Variants in PIKFYVE observed in about 807,000 individuals in gnomAD.
PIKFYVE encodes 1-phosphatidylinositol 3-phosphate 5-kinase.
In PIKFYVE, 122 loss-of-function variants were observed where a neutral mutation model predicts 257.9. The observed-to-expected ratio is 0.47, with a 90% CI of 0.41 to 0.55. PIKFYVE has a LOEUF of 0.55. PIKFYVE is among the 20% of genes least tolerant of loss of function. The pLI, the probability that PIKFYVE is intolerant of heterozygous loss-of-function variation, is 0.00. For missense variants in PIKFYVE, 2,160 were observed against 2,536.6 expected (o/e 0.85, Z 3.19); for synonymous variants, 892 against 868.9 (o/e 1.03, Z -0.47).
intron 23 of PIKFYVE, among the ~76,000 whole-genome samples, chr2:208,333,030 C>T (rs575578543): frequency 2.7e-4 from 41 of 151,828 alleles, no homozygotes; most frequent in African/African-American, 8.0e-4. Flanking sequence ...GTCAGAAGAT[C>T]GAGACCACCC....
intron 32 of PIKFYVE, among the ~76,000 whole-genome samples, chr2:208,344,289 A>T (rs1185501595): frequency 6.6e-6 from 1 of 152,124 alleles, no homozygotes; most frequent in Admixed American, 6.5e-5. Flanking sequence ...ACAAAATGTG[A>T]TATACTAGAT....
chr2:208,308,951 G>T (rs1004379481), intron 12 of PIKFYVE, among the ~76,000 whole-genome samples: 1 of 152,018 alleles, frequency 6.6e-6, no homozygotes, highest in Non-Finnish European at 1.5e-5. Context: ...CAGGCAGTCC[G>T]CCAACCTAGG....
At chr2:208,335,989 C>T (rs1057024491) in intron 26 of PIKFYVE, 57 bp from the exon 27 acceptor site, 31 of 1,605,264 alleles carry the variant, frequency 1.9e-5, no homozygotes, top group Non-Finnish European at 2.6e-5. Flanking sequence ...ATAGCAGTTT[C>T]TTTTGGGGTA....
intron 7 of PIKFYVE, among the ~76,000 whole-genome samples, chr2:208,294,477 A>G (rs1227314144): frequency 6.6e-6 from 1 of 152,060 alleles, no homozygotes; most frequent in Non-Finnish European, 1.5e-5. Flanking sequence ...TTTTTTGTTG[A>G]AAGGTGGACA....
chr2:208,294,792 G>A (rs890416483), intron 7 of PIKFYVE, among the ~76,000 whole-genome samples: 1 of 152,146 alleles, frequency 6.6e-6, no homozygotes, highest in African/African-American at 2.4e-5. Context: ...TTAGGCTCTG[G>A]TAAAATAGTT....
At chr2:208,280,687 G>A (rs536724055) in intron 5 of PIKFYVE, among the ~76,000 whole-genome samples, 31 of 152,302 alleles carry the variant, frequency 2.0e-4, no homozygotes, top group Middle Eastern at 3.4e-3. Context: ...TCTGTAAGTG[G>A]CTCAAGTCTG....
intron 35 of PIKFYVE, 33 bp from the exon 36 acceptor site, chr2:208,349,991 C>T: frequency 6.2e-7 from 1 of 1,609,778 alleles, no homozygotes; most frequent in Non-Finnish European, 8.5e-7. Context: ...TTACTCAAAA[C>T]CTTGGCTTTA....
At chr2:208,303,318 C>T (rs1446539016) in intron 10 of PIKFYVE, among the ~76,000 whole-genome samples, 2 of 150,958 alleles carry the variant, frequency 1.3e-5, no homozygotes, top group Non-Finnish European at 2.9e-5. Flanking sequence ...TATAGCTGAC[C>T]GTTAAGAATT....
In PIKFYVE at chr2:208,328,220, T is replaced by C. The variant is rs1368697613; in HGVS notation, c.3659T>C (p.Val1220Ala). The C allele has an allele frequency of 6.2e-7, 1 of 1,613,950 alleles. No homozygotes were observed. ...LNPINHQRLC[V>A]LFSSSSAQSS... Reference sequence around the variant, plus strand: ...CCCATTAATCACCAGAGACTTTGTGTGCTCTTCAGCAGCTCTTCTGCCCAG... The same window carrying C: ...CCCATTAATCACCAGAGACTTTGTGCGCTCTTCAGCAGCTCTTCTGCCCAG... Residue 1220 changes from valine (V) to alanine (A), a missense_variant, in exon 21 of 42, where the codon GTG becomes GCG. Transcript: ENST00000264380.
chr2:208,354,444 T>TG, intron 40 of PIKFYVE, 127 bp from the exon 41 acceptor site: 4 of 951,128 alleles, frequency 4.2e-6, no homozygotes, highest in Non-Finnish European at 6.7e-6. Flanking sequence ...GAACAGCACT[T>TG]GGCACATTGT....
chr2:208,324,347 A>G (rs1696664367), intron 18 of PIKFYVE, 65 bp downstream of exon 18: 4 of 1,515,862 alleles, frequency 2.6e-6, no homozygotes, highest in Non-Finnish European at 3.7e-6. Flanking sequence ...ATATGCACGT[A>G]TGGTAGGTAT....
In PIKFYVE at chr2:208,342,667, T is replaced by A. The variant is rs1698820193; in HGVS notation, c.5027+18T>A. On this transcript the variant is annotated intron_variant, in intron 32 of 41. Coordinates refer to ENST00000264380, the MANE Select transcript of PIKFYVE (RefSeq NM_015040.4). ...GCTCTCAGGTATTATTCATGGGACT[T>A]TGACTTATGATGATATCTATGTATT... The A allele has an allele frequency of 6.4e-7, 1 of 1,560,292 alleles. No individual in the cohort carries two copies. Among genetic ancestry groups the A allele is most frequent in the Non-Finnish European group, 8.8e-7 (1 of 1,130,968 alleles).
intron 16 of PIKFYVE, among the ~76,000 whole-genome samples, chr2:208,319,700 A>T (rs928986508): frequency 6.6e-6 from 1 of 152,104 alleles, no homozygotes; most frequent in Non-Finnish European, 1.5e-5. Flanking sequence ...AGGGTATATT[A>T]TTTGGGTCTC....
chr2:208,275,233 C>CATA (rs1689949725), intron 3 of PIKFYVE, among the ~76,000 whole-genome samples: 1 of 152,230 alleles, frequency 6.6e-6, no homozygotes. Flanking sequence ...TGCCTAAGGG[C>CATA]ATAGAGCTAG....
Position 208,325,388 on chromosome 2 carries a change from G to T in PIKFYVE, c.2577G>T (p.Met859Ile). 2 of 1,614,136 alleles carry T rather than the reference G, an allele frequency of 1.2e-6. No homozygotes were observed. The highest frequency in any genetic ancestry group is 1.7e-6 in the Non-Finnish European group (2 of 1,180,010). ...LARVKEILIF[M>I]ICVAYHSQLE... Reference sequence around the variant, plus strand: ...GAGTTAAGGAGATCCTAATATTTATGATCTGTGTTGCTTATCATTCTCAAC... The same window carrying T: ...GAGTTAAGGAGATCCTAATATTTATTATCTGTGTTGCTTATCATTCTCAAC... Residue 859 changes from methionine (M) to isoleucine (I), a missense_variant, in exon 20 of 42, where the codon ATG becomes ATT. Met to Ile is a conservative substitution (Grantham distance 10, BLOSUM62 1). Transcript: ENST00000264380.
intron 31 of PIKFYVE, among the ~76,000 whole-genome samples, chr2:208,342,110 G>A (rs78126029): frequency 1.3e-5 from 2 of 152,134 alleles, no homozygotes; most frequent in East Asian, 1.9e-4. Flanking sequence ...AGTTAGGGTC[G>A]GAGTCAGGGG....
chr2:208,273,900 G>T lies in PIKFYVE; in HGVS notation c.322+167G>T, dbSNP rs541367123. 2.2e-6 allele frequency: 3 copies of T among 1,361,184 alleles called. No homozygotes were observed. In the African/African-American group the frequency reaches 4.3e-5, roughly 20 times the overall value. The allele number at this position is 1,361,184 out of a possible 1,614,324, so 84.3% of individuals were successfully genotyped here. Reference sequence around the variant, plus strand: ...TTAGAGTAAATAAAACTCTTACCTCGGTAGTGAAAGAATTTATTGACACCT... The same window carrying T: ...TTAGAGTAAATAAAACTCTTACCTCTGTAGTGAAAGAATTTATTGACACCT... On this transcript the variant is annotated intron_variant, in intron 3 of 41. Transcript: ENST00000264380.
At chr2:208,286,054 C>A in intron 6 of PIKFYVE, 121 bp downstream of exon 6, 1 of 1,028,316 alleles carries the variant, frequency 9.7e-7, no homozygotes, top group Non-Finnish European at 1.4e-6. Flanking sequence ...TCACTGTGTT[C>A]TCCTTTTTCT....
intron 6 of PIKFYVE, among the ~76,000 whole-genome samples, chr2:208,286,893 A>G (rs1389656334): frequency 2.0e-5 from 3 of 152,190 alleles, no homozygotes; most frequent in Non-Finnish European, 4.4e-5. Flanking sequence ...CAAAGAGCCT[A>G]TAGTTTTAAG....
Sources: allele counts gnomAD v4.1 joint callset (sites outside exome capture counted in the v4.1 genomes callset), GRCh38; gene constraint gnomAD v4.1.1; transcripts MANE v1.5; gene names NCBI Gene and HGNC (gene_info 2026-07-23, HGNC 2026-07-21).